SYNE2: variants seen among roughly 807,000 people sequenced by gnomAD.
The protein encoded by SYNE2 is nesprin-2.
In SYNE2, 431 loss-of-function variants were observed where a neutral mutation model predicts 856.3. The ratio of observed to expected loss-of-function variants is 0.50; its 90% CI spans 0.47 to 0.55. SYNE2 has a LOEUF of 0.55. Among genes scored for constraint, SYNE2 ranks in the 20% least tolerant of loss-of-function variants. The probability of loss-of-function intolerance (pLI) is 0.00; values close to 1 mark genes in which losing one functional copy is unlikely to be tolerated. For synonymous variants in SYNE2, 2,923 were observed against 2,872.3 expected, an observed-to-expected ratio of 1.02 and a Z score of -0.56; for missense variants, 8,129 against 8,023.2, an observed-to-expected ratio of 1.01 and a Z score of -0.50.
At chr14:64,093,900 A>G (rs2097652581) in intron 61 of SYNE2, among the ~76,000 whole-genome samples, 1 of 152,188 alleles carries the variant, frequency 6.6e-6, no homozygotes, top group South Asian at 2.1e-4. Context: ...TATTTGGACA[A>G]CCTGACTTTC....
intron 1 of SYNE2, among the ~76,000 whole-genome samples, chr14:63,792,093 A>T (rs1403673348): frequency 6.6e-6 from 1 of 152,222 alleles, no homozygotes; most frequent in African/African-American, 2.4e-5. Context: ...TAGGAAAATG[A>T]CAGGCATAAA....
At chr14:63,946,155 C>T (rs1481520311) in intron 6 of SYNE2, among the ~76,000 whole-genome samples, 1 of 152,116 alleles carries the variant, frequency 6.6e-6, no homozygotes, top group African/African-American at 2.4e-5. Flanking sequence ...GGTGCAGCGG[C>T]TCATGGCTGT....
At position 64,026,735 on chromosome 14, in the gene SYNE2, A is replaced by G. The variant is rs571176673; in HGVS notation, c.6404+5A>G. ...TTTAGCTAGCACCTACCTAAGGTAA[A>G]GGGCATGCCTGCACCACTTGCATCA... On this transcript the variant is annotated splice_donor_5th_base_variant and intron_variant, in intron 42 of 115. Coordinates refer to ENST00000555002, the MANE Select transcript of SYNE2 (RefSeq NM_182914.3). The G allele has an allele frequency of 1.3e-5, 21 of 1,603,382 alleles. No individual in the cohort carries two copies. In the East Asian group the frequency reaches 3.8e-4, roughly 29 times the overall value.
chr14:63,925,019 C>T (rs531114063), intron 2 of SYNE2, among the ~76,000 whole-genome samples: 71 of 151,976 alleles, frequency 4.7e-4, no homozygotes, highest in Admixed American at 9.2e-4. Flanking sequence ...AGAAAGTTTT[C>T]GGCCAGGTGC....
intron 61 of SYNE2, among the ~76,000 whole-genome samples, chr14:64,096,414 G>T (rs189534541): frequency 6.6e-6 from 1 of 152,154 alleles, no homozygotes; most frequent in Admixed American, 6.5e-5. Context: ...AAAATGATCT[G>T]GACCTCATGG....
Position 64,167,402 on chromosome 14 carries a change from T to C in SYNE2, c.16760+15T>C. On this transcript the variant is annotated intron_variant, in intron 91 of 115. Coordinates refer to ENST00000555002, the MANE Select transcript of SYNE2 (RefSeq NM_182914.3). ...GAGCGCTGCAGGTTAGAACATCCCT[T>C]CTCTGTCGTTGTTTCAATTAAGGTA... 1 of 1,614,222 alleles carries C rather than the reference T, an allele frequency of 6.2e-7. No homozygotes were observed. The highest frequency in any genetic ancestry group is 2.2e-5 in the East Asian group (1 of 44,888).
intron 82 of SYNE2, among the ~76,000 whole-genome samples, chr14:64,142,504 TC>T (rs1470637329): frequency 6.6e-6 from 1 of 152,196 alleles, no homozygotes; most frequent in Non-Finnish European, 1.5e-5. Context: ...TTAGTCATCT[TC>T]CATAGTCAGC....
intron 42 of SYNE2, 75 bp downstream of exon 42, chr14:64,026,805 C>G: frequency 6.6e-7 from 1 of 1,517,260 alleles, no homozygotes; most frequent in Non-Finnish European, 9.0e-7. Flanking sequence ...TTTTGTCTGC[C>G]CCCTGGGTTT....
chr14:64,074,205 G>T, intron 53 of SYNE2, 69 bp downstream of exon 53: 1 of 1,516,860 alleles, frequency 6.6e-7, no homozygotes, highest in Admixed American at 1.7e-5. Flanking sequence ...AGTCCTTGGG[G>T]TAGAGATAAC....
chr14:64,089,486 A>G, intron 58 of SYNE2, 88 bp from the exon 59 acceptor site: 2 of 1,362,658 alleles, frequency 1.5e-6, no homozygotes, highest in Non-Finnish European at 2.0e-6. Context: ...TTGGCTAAAT[A>G]AGAGAATAAA....
intron 1 of SYNE2, among the ~76,000 whole-genome samples, chr14:63,785,906 G>A (rs1887505507): frequency 6.6e-6 from 1 of 152,116 alleles, no homozygotes; most frequent in African/African-American, 2.4e-5. Context: ...AGGAGTTCAA[G>A]ACCAGCCTGG....
chr14:64,215,252 C>A, intron 106 of SYNE2, 34 bp from the exon 107 acceptor site: 1 of 1,602,246 alleles, frequency 6.2e-7, no homozygotes, highest in Non-Finnish European at 8.6e-7. Context: ...CTTCAGGCAC[C>A]TCCAGTGAGG....
At chr14:63,908,809 A>G (rs1317412837) in intron 1 of SYNE2, among the ~76,000 whole-genome samples, 1 of 152,214 alleles carries the variant, frequency 6.6e-6, no homozygotes, top group Non-Finnish European at 1.5e-5. Context: ...TATTACATCG[A>G]ATTGCCTGGC....
intron 1 of SYNE2, among the ~76,000 whole-genome samples, chr14:63,792,827 G>A (rs1384550010): frequency 6.6e-5 from 10 of 151,856 alleles, no homozygotes; most frequent in Non-Finnish European, 7.4e-5. Context: ...CTACAAGTGC[G>A]TGCTACCATG....
intron 60 of SYNE2, among the ~76,000 whole-genome samples, chr14:64,092,595 A>G (rs971491430): frequency 6.6e-6 from 1 of 152,260 alleles, no homozygotes; most frequent in Non-Finnish European, 1.5e-5. Flanking sequence ...TGTTGGCTAG[A>G]AACTTTGTAG....
In SYNE2 at chr14:64,001,920, T is replaced by C; in HGVS notation, c.3639-14T>C. 1 of 1,614,148 alleles carries C rather than the reference T, an allele frequency of 6.2e-7. No homozygotes were observed. Among genetic ancestry groups the C allele is most frequent in the Non-Finnish European group, 8.5e-7 (1 of 1,179,986 alleles). On this transcript the variant is annotated splice_polypyrimidine_tract_variant and intron_variant, in intron 28 of 115. Coordinates refer to ENST00000555002, the MANE Select transcript of SYNE2 (RefSeq NM_182914.3). ...CTGTGTTTTCCCCTCATGTCTGATT[T>C]ACCTTGCACCCAGAATGGAATCTTT...
At chr14:63,788,631 C>T (rs1887627380) in intron 1 of SYNE2, among the ~76,000 whole-genome samples, 1 of 152,268 alleles carries the variant, frequency 6.6e-6, no homozygotes, top group Admixed American at 6.5e-5. Context: ...AGGAAGCTCC[C>T]GCCTTAACTC....
chr14:64,078,649 AC>A (rs2097490554), intron 55 of SYNE2, 43 bp downstream of exon 55: 2 of 1,608,650 alleles, frequency 1.2e-6, no homozygotes, highest in Non-Finnish European at 1.7e-6. Context: ...GGTACTTCTG[AC>A]CCACTCCTGC....
intron 2 of SYNE2, among the ~76,000 whole-genome samples, chr14:63,934,617 G>C (rs766406794): frequency 3.3e-5 from 5 of 151,822 alleles, no homozygotes; most frequent in Non-Finnish European, 7.4e-5. Context: ...AAGACTCCGT[G>C]GGCACACAGT....
Sources: gnomAD v4.1 joint callset for allele counts (sites outside exome capture counted in the v4.1 genomes callset) on GRCh38, gnomAD v4.1.1 for gene constraint, MANE v1.5 for transcripts, NCBI Gene and HGNC (gene_info 2026-07-23, HGNC 2026-07-21) for gene names.